The following TMEM156 variants were observed in gnomAD, a reference collection of about 807,000 sequenced individuals.
TMEM156 encodes the protein transmembrane protein 156.
Under a neutral mutation model 30.5 loss-of-function variants are expected in TMEM156, and 28 were observed. The observed-to-expected ratio is 0.92, with a 90% CI of 0.68 to 1.26. TMEM156 has a LOEUF of 1.26. Ranked by LOEUF, TMEM156 falls within the 50% of genes most tolerant of loss-of-function variation. The pLI, the probability that TMEM156 is intolerant of heterozygous loss-of-function variation, is 0.00. For missense variants in TMEM156, 351 were observed against 340.6 expected (o/e 1.03, Z -0.24); for synonymous variants, 137 against 119.9 (o/e 1.14, Z -0.93).
rs71641396 is a variant in TMEM156, at chr4:38,966,800, A to ATTTTTTTTTTT, written c.*869_*879dup. 1.6e-5 allele frequency: 2 copies of ATTTTTTTTTTT among 121,248 alleles called. No homozygotes were observed. Among genetic ancestry groups the ATTTTTTTTTTT allele is most frequent in the African/African-American group, 3.4e-5 (1 of 29,346 alleles). 7.5% of individuals were successfully genotyped at this position (121,248 alleles called of 1,614,324 possible). A position where few individuals can be genotyped will look rare whatever the true frequency, so the allele number is the denominator to read the frequency against. On this transcript the variant is annotated 3_prime_UTR_variant, in exon 7 of 7. Transcript: ENST00000381938. ...TAAATTCGTTTTATTGGTATCTTTG[A>ATTTTTTTTTTT]TTTTTTTTTTTTTTTTTTTTTGAGA...
intron 1 of TMEM156, among the ~76,000 whole-genome samples, chr4:39,003,726 C>A (rs1370036194): frequency 6.6e-6 from 1 of 152,156 alleles, no homozygotes; most frequent in Non-Finnish European, 1.5e-5. Flanking sequence ...ACTCCATAAT[C>A]TGTATCTTTT....
At chr4:38,989,640 C>T (rs1347527355) in intron 3 of TMEM156, among the ~76,000 whole-genome samples, 1 of 152,142 alleles carries the variant, frequency 6.6e-6, no homozygotes, top group Non-Finnish European at 1.5e-5. Context: ...GGATGTTCAC[C>T]ATGCAGCAGT....
At chr4:38,973,801 A>G (rs1208909230) in intron 5 of TMEM156, among the ~76,000 whole-genome samples, 2 of 152,182 alleles carry the variant, frequency 1.3e-5, no homozygotes, top group African/African-American at 4.8e-5. Flanking sequence ...GTGTTTCCCT[A>G]TAAAACATAT....
chr4:39,003,190 G>C (rs1425107311), intron 1 of TMEM156, among the ~76,000 whole-genome samples: 1 of 151,802 alleles, frequency 6.6e-6, no homozygotes, highest in African/African-American at 2.4e-5. Flanking sequence ...TGAATCACTG[G>C]TGATTTTTGT....
chr4:38,999,055 A>G, intron 1 of TMEM156, 146 bp from the exon 2 acceptor site: 1 of 433,486 alleles, frequency 2.3e-6, no homozygotes, highest in Non-Finnish European at 4.0e-6. Flanking sequence ...TTTAAACTTG[A>G]ATTAACAATA....
At chr4:38,999,005 G>T in intron 1 of TMEM156, 96 bp from the exon 2 acceptor site, 2 of 1,052,174 alleles carry the variant, frequency 1.9e-6, no homozygotes, top group South Asian at 1.7e-5. Flanking sequence ...TTTCTTAGGT[G>T]GATTCAGTAC....
chr4:39,025,114 T>C (rs1715114555), intron 1 of TMEM156, among the ~76,000 whole-genome samples: 1 of 152,002 alleles, frequency 6.6e-6, no homozygotes, highest in Non-Finnish European at 1.5e-5. Flanking sequence ...TTTGGGAGGC[T>C]GAGGTGGGCA....
At chr4:39,015,830 G>A (rs1193857529) in intron 1 of TMEM156, among the ~76,000 whole-genome samples, 1 of 152,106 alleles carries the variant, frequency 6.6e-6, no homozygotes, top group Non-Finnish European at 1.5e-5. Context: ...ACAGTCTCAT[G>A]AGATCTGATG....
intron 5 of TMEM156, among the ~76,000 whole-genome samples, chr4:38,976,058 G>A (rs919534285): frequency 1.1e-4 from 16 of 151,864 alleles, no homozygotes; most frequent in East Asian, 3.9e-4. Flanking sequence ...AGGCCAAGGC[G>A]GGAGGATCAC....
At chr4:39,028,508 AT>A (rs1455148534) in intron 1 of TMEM156, 1 of 152,180 alleles carries the variant, frequency 6.6e-6, no homozygotes, top group Non-Finnish European at 1.5e-5. Context: ...TAATTCCTGT[AT>A]TTTATTTAGT....
At chr4:39,024,724 C>T (rs1715088785) in intron 1 of TMEM156, among the ~76,000 whole-genome samples, 2 of 152,128 alleles carry the variant, frequency 1.3e-5, no homozygotes, top group Admixed American at 6.6e-5. Context: ...GGGTACTAGG[C>T]TCAATACCTA....
At chr4:39,024,864 T>A (rs1715098856) in intron 1 of TMEM156, among the ~76,000 whole-genome samples, 1 of 152,256 alleles carries the variant, frequency 6.6e-6, no homozygotes, top group Non-Finnish European at 1.5e-5. Flanking sequence ...CGTATGTAAA[T>A]TATGCCTGTT....
At chr4:39,005,068 C>T (rs2110001196) in intron 1 of TMEM156, among the ~76,000 whole-genome samples, 1 of 152,290 alleles carries the variant, frequency 6.6e-6, no homozygotes, top group Non-Finnish European at 1.5e-5. Context: ...GAACAAACTA[C>T]AAGCAACAGC....
At chr4:38,980,779 G>T (rs962226574) in intron 5 of TMEM156, 1 of 216,820 alleles carries the variant, frequency 4.6e-6, no homozygotes, top group African/African-American at 2.4e-5. Context: ...ACATCAGGGT[G>T]GGAGGGGAGC....
At chr4:38,990,830 G>GTTTTTTTTTTTTGTTTTGTTTTGTTTT (rs1560365255) in intron 3 of TMEM156, among the ~76,000 whole-genome samples, 2 of 81,214 alleles carry the variant, frequency 2.5e-5, no homozygotes, top group African/African-American at 4.6e-5. Flanking sequence ...TTGTTTTCTG[G>GTTTTTTTTTTTTGTTTTGTTTTGTTTT]TTTTTTTTTT....
intron 5 of TMEM156, among the ~76,000 whole-genome samples, chr4:38,975,053 C>T (rs1579452652): frequency 6.6e-6 from 1 of 152,058 alleles, no homozygotes; most frequent in African/African-American, 2.4e-5. Context: ...TATTGAGGGC[C>T]CTTAGATGTC....
rs76762396 is a variant in TMEM156, at chr4:38,981,348, A to G, written c.823+4988T>C. On this transcript the variant is annotated intron_variant, in intron 5 of 6. Coordinates refer to ENST00000381938, the MANE Select transcript of TMEM156 (RefSeq NM_024943.3). Reference sequence around the variant, plus strand: ...TAATTCTCTTTCACAATAAAACTCCATTTTCTTTTGCTTCGTGTTCCCTCA... The same window carrying G: ...TAATTCTCTTTCACAATAAAACTCCGTTTTCTTTTGCTTCGTGTTCCCTCA... Among the ~76,000 whole-genome samples the G allele has an allele frequency of 8.5e-3, 1,293 of 152,284 alleles. 16 individuals carry two copies. Among genetic ancestry groups the G allele is most frequent in the African/African-American group, 0.029 (1,223 of 41,562 alleles).
chr4:39,029,470 T>TAAAACCCAAGACAATTATG (rs376272164), intron 1 of TMEM156, among the ~76,000 whole-genome samples: 1 of 90,802 alleles, frequency 1.1e-5, no homozygotes, highest in African/African-American at 5.1e-5. Flanking sequence ...AACTAATTTT[T>TAAAACCCAAGACAATTATG]TTGGGAGGCC....
At chr4:39,003,652 T>TA (rs5857661) in intron 1 of TMEM156, among the ~76,000 whole-genome samples, 3 of 151,522 alleles carry the variant, frequency 2.0e-5, no homozygotes, top group South Asian at 2.1e-4. Flanking sequence ...GTAACTACAA[T>TA]AAAAAAAAAT....
Sources: allele counts gnomAD v4.1 joint callset (sites outside exome capture counted in the v4.1 genomes callset), GRCh38; gene constraint gnomAD v4.1.1; transcripts MANE v1.5; gene names NCBI Gene and HGNC (gene_info 2026-07-23, HGNC 2026-07-21).